CNTNAP3B: variants seen among roughly 807,000 people sequenced by gnomAD.
The protein encoded by CNTNAP3B is contactin-associated protein-like 3B.
CNTNAP3B carries 25 observed loss-of-function variants against 108.9 expected under a neutral mutation model. The ratio of observed to expected loss-of-function variants is 0.23; its 90% CI spans 0.17 to 0.32. The LOEUF is 0.32. Among genes scored for constraint, CNTNAP3B ranks in the 10% least tolerant of loss-of-function variants. The probability of loss-of-function intolerance (pLI) is 1.00; values close to 1 mark genes in which losing one functional copy is unlikely to be tolerated. For synonymous variants in CNTNAP3B, 103 were observed against 473.4 expected, an observed-to-expected ratio of 0.22 and a Z score of 10.16; for missense variants, 252 against 1,210.4, an observed-to-expected ratio of 0.21 and a Z score of 11.75.
intron 3 of CNTNAP3B, among the ~76,000 whole-genome samples, chr9:42,023,603 T>G (rs1416931382): frequency 2.0e-5 from 2 of 101,288 alleles, no homozygotes; most frequent in South Asian, 2.8e-4. Context: ...GGACTATTTT[T>G]TATTGGCCAG....
chr9:41,987,346 A>G lies in CNTNAP3B; in HGVS notation c.1334-1035T>C, dbSNP rs1183864223. The stretch of plus-strand genomic sequence containing the variant: ...CATGGTGGCACTAGCCTATAGTCCC[A>G]GTCACTTCGGAGGCTGAGGCACAAG... On this transcript the variant is annotated intron_variant, in intron 8 of 23. Transcript: ENST00000377561. Among the ~76,000 whole-genome samples the G allele has an allele frequency of 5.1e-5, 2 of 39,324 alleles. 1 individual carries two copies. Among genetic ancestry groups the G allele is most frequent in the Non-Finnish European group, 1.3e-4 (2 of 15,472 alleles). 25.8% of individuals were successfully genotyped at this position (39,324 alleles called of 152,430 possible).
intron 2 of CNTNAP3B, among the ~76,000 whole-genome samples, chr9:42,103,558 C>T (rs28677973): frequency 9.4e-5 from 8 of 84,926 alleles, no homozygotes; most frequent in African/African-American, 3.0e-4. Context: ...CCCGTCCCTG[C>T]TAAAAAAAAA....
intron 10 of CNTNAP3B, among the ~76,000 whole-genome samples, chr9:41,968,142 A>C (rs577654768): frequency 1.3e-5 from 2 of 152,048 alleles, no homozygotes; most frequent in Non-Finnish European, 2.9e-5. Context: ...GCAGCCTCAC[A>C]ATATATATCT....
At chr9:42,121,564 A>G (rs1193974513) in intron 1 of CNTNAP3B, among the ~76,000 whole-genome samples, 1 of 139,570 alleles carries the variant, frequency 7.2e-6, no homozygotes, top group Non-Finnish European at 1.5e-5. Context: ...CCAGGAGATG[A>G]GCTTTGTCAC....
At chr9:42,097,522 A>G (rs1258020434) in intron 2 of CNTNAP3B, among the ~76,000 whole-genome samples, 1 of 140,234 alleles carries the variant, frequency 7.1e-6, no homozygotes, top group Non-Finnish European at 1.5e-5. Flanking sequence ...ATTCATTTCC[A>G]TAAAGCAGGA....
intron 14 of CNTNAP3B, among the ~76,000 whole-genome samples, chr9:41,931,437 C>A (rs1432353907): frequency 7.9e-5 from 12 of 152,268 alleles, no homozygotes; most frequent in Non-Finnish European, 1.3e-4. Context: ...GACTTTTGTA[C>A]CCATTAATCA....
Position 42,012,077 on chromosome 9 carries a change from C to A in CNTNAP3B, c.538+1301G>T, listed in dbSNP as rs1448783409. 2.0e-5 allele frequency among the ~76,000 whole-genome samples: 2 copies of A among 98,942 alleles called. 1 individual carries two copies. The highest frequency in any genetic ancestry group is 4.3e-5 in the Non-Finnish European group (2 of 46,444). 64.9% of individuals were successfully genotyped at this position (98,942 alleles called of 152,430 possible). A position where few individuals can be genotyped will look rare whatever the true frequency, so the allele number is the denominator to read the frequency against. On this transcript the variant is annotated intron_variant, in intron 4 of 23. Transcript: ENST00000377561. ...ATCTTCCTGGTACCAACCTCCAGCC[C>A]AAGGAACTGGAGTAATATCTCTTCA...
chr9:41,942,294 T>G lies in CNTNAP3B; in HGVS notation c.2081-3894A>C, dbSNP rs1178753554. 2.7e-3 allele frequency among the ~76,000 whole-genome samples: 412 copies of G among 152,140 alleles called. 1 individual carries two copies. In the East Asian group the frequency reaches 0.043, roughly 16 times the overall value. Reference sequence around the variant, plus strand: ...ATCGAGACCATCCTGGCTAACATGGTGAAACCCCATCTCTACTAAAAATAC... The same window carrying G: ...ATCGAGACCATCCTGGCTAACATGGGGAAACCCCATCTCTACTAAAAATAC... On this transcript the variant is annotated intron_variant, in intron 13 of 23. Coordinates refer to ENST00000377561, the MANE Select transcript of CNTNAP3B (RefSeq NM_001201380.3).
intron 9 of CNTNAP3B, among the ~76,000 whole-genome samples, chr9:41,971,238 A>ACCCACAC (rs2118268896): frequency 9.2e-6 from 1 of 108,230 alleles, no homozygotes; most frequent in Admixed American, 9.5e-5. Flanking sequence ...ACTTACTCCC[A>ACCCACAC]CCCTCTTGAG....
At chr9:42,113,287 T>G (rs1209322654) in intron 1 of CNTNAP3B, among the ~76,000 whole-genome samples, 1 of 136,238 alleles carries the variant, frequency 7.3e-6, no homozygotes, top group Admixed American at 7.4e-5. Context: ...GATCAGCTCC[T>G]TTTCCCTGAG....
chr9:42,004,760 T>C (rs1179925466), intron 4 of CNTNAP3B, among the ~76,000 whole-genome samples: 2 of 118,464 alleles, frequency 1.7e-5, no homozygotes, highest in East Asian at 4.6e-4. Context: ...TTTAATATAA[T>C]AATAAGTTAG....
At chr9:42,061,299 T>G (rs1398787776) in intron 3 of CNTNAP3B, among the ~76,000 whole-genome samples, 4 of 117,792 alleles carry the variant, frequency 3.4e-5, no homozygotes, top group African/African-American at 3.4e-5. Flanking sequence ...TTTCCATGTA[T>G]TTCTGAATTT....
chr9:41,966,730 G>A (rs552629261), intron 10 of CNTNAP3B, among the ~76,000 whole-genome samples: 49 of 152,338 alleles, frequency 3.2e-4, no homozygotes, highest in African/African-American at 1.2e-3. Flanking sequence ...AACTTTGGGA[G>A]GCTGACGCGG....
rs1204456704 is a variant in CNTNAP3B, at chr9:41,942,968, G to T, written c.2081-4568C>A. ...CTGGCTTTCAACAGAAAATTGCAAG[G>T]TATGCTAAAGCCAAACAATACAGTC... On this transcript the variant is annotated intron_variant, in intron 13 of 23. Transcript: ENST00000377561. Among the ~76,000 whole-genome samples the T allele has an allele frequency of 1.0e-3, 157 of 152,256 alleles. No homozygotes were observed. The East Asian group carries it at 0.028, about 27-fold the overall frequency.
intron 2 of CNTNAP3B, among the ~76,000 whole-genome samples, chr9:42,084,343 G>A (rs78571492): frequency 0.029 from 3,320 of 116,178 alleles, 204 homozygotes; most frequent in Non-Finnish European, 0.044. Context: ...GGGCATATGC[G>A]GAGAGGGCTG....
At chr9:41,972,602 A>G in intron 9 of CNTNAP3B, among the ~76,000 whole-genome samples, 1 of 138,854 alleles carries the variant, frequency 7.2e-6, no homozygotes, top group Middle Eastern at 3.6e-3. Flanking sequence ...TTTTTAGCTT[A>G]TCGAAACTAT....
chr9:42,097,586 G>A lies in CNTNAP3B; in HGVS notation c.196+7043C>T, dbSNP rs995936307. On this transcript the variant is annotated intron_variant, in intron 2 of 23. Transcript: ENST00000377561. ...AGTACAAATCTAAAAAAATAATTACGTACTTCAAAAACTAAAAATGCATTC... is the reference window on the plus strand; with the variant it reads ...AGTACAAATCTAAAAAAATAATTACATACTTCAAAAACTAAAAATGCATTC... Among the ~76,000 whole-genome samples, 4 of 139,844 alleles carry A rather than the reference G, an allele frequency of 2.9e-5. 2 individuals are homozygous for A. Among genetic ancestry groups the A allele is most frequent in the African/African-American group, 5.6e-5 (2 of 35,404 alleles). The allele number at this position is 139,844 out of a possible 152,430, so 91.7% of individuals were successfully genotyped here.
At chr9:41,934,823 A>G (rs1222647337) in intron 14 of CNTNAP3B, among the ~76,000 whole-genome samples, 1 of 152,286 alleles carries the variant, frequency 6.6e-6, no homozygotes, top group Non-Finnish European at 1.5e-5. Flanking sequence ...AACAGAGTTT[A>G]CTCGTATTTA....
intron 1 of CNTNAP3B, among the ~76,000 whole-genome samples, chr9:42,125,038 T>G (rs1828537208): frequency 7.7e-6 from 1 of 130,120 alleles, no homozygotes. Flanking sequence ...ACAGAAAACA[T>G]GGAAGAACTA....
Sources: allele counts gnomAD v4.1 joint callset (sites outside exome capture counted in the v4.1 genomes callset), GRCh38; gene constraint gnomAD v4.1.1; transcripts MANE v1.5; gene names NCBI Gene and HGNC (gene_info 2026-07-23, HGNC 2026-07-21).